Variants in CDK6 observed in about 807,000 individuals in gnomAD.
CDK6 encodes cyclin-dependent kinase 6.
In CDK6, 6 loss-of-function variants were observed where a neutral mutation model predicts 37.1. The observed-to-expected ratio is 0.16, with a 90% confidence interval of 0.09 to 0.32. The LOEUF is 0.32. CDK6 is among the 10% of genes least tolerant of loss of function. The pLI is 1.00. For missense variants in CDK6, 224 were observed against 418.9 expected (o/e 0.53, Z 4.06); for synonymous variants, 160 against 161.3 (o/e 0.99, Z 0.06).
chr7:92,672,919 G>A (rs1195824384), intron 4 of CDK6, among the ~76,000 whole-genome samples: 1 of 152,176 alleles, frequency 6.6e-6, no homozygotes. Context: ...ACTGTTGCTC[G>A]TATCAAGGGA....
intron 2 of CDK6, among the ~76,000 whole-genome samples, chr7:92,804,768 T>C (rs1800679360): frequency 6.6e-6 from 1 of 152,218 alleles, no homozygotes; most frequent in Non-Finnish European, 1.5e-5. Flanking sequence ...CATTGCAGGA[T>C]ACTTAACATC....
chr7:92,817,093 T>C (rs1801049504), intron 2 of CDK6, among the ~76,000 whole-genome samples: 1 of 151,980 alleles, frequency 6.6e-6, no homozygotes, highest in African/African-American at 2.4e-5. Flanking sequence ...ATGACTTCAT[T>C]AGTAAATTCT....
At chr7:92,776,092 G>A (rs1290975083) in intron 2 of CDK6, among the ~76,000 whole-genome samples, 2 of 145,138 alleles carry the variant, frequency 1.4e-5, no homozygotes, top group Non-Finnish European at 3.0e-5. Flanking sequence ...CCTGGTGTGC[G>A]ATGTTCCCCT....
intron 4 of CDK6, among the ~76,000 whole-genome samples, chr7:92,724,005 G>A (rs533253384): frequency 5.9e-4 from 89 of 151,422 alleles, no homozygotes; most frequent in Non-Finnish European, 9.4e-4. Context: ...AAATAAAAGC[G>A]TCCATCTCAG....
intron 5 of CDK6, 131 bp downstream of exon 5, chr7:92,671,295 T>C: frequency 2.0e-6 from 1 of 509,076 alleles, no homozygotes; most frequent in Non-Finnish European, 3.4e-6. Context: ...GGCTTGCAAG[T>C]GGTAGCCTGG....
chr7:92,655,683 C>A (rs1243571892), intron 5 of CDK6, among the ~76,000 whole-genome samples: 1 of 152,232 alleles, frequency 6.6e-6, no homozygotes, highest in African/African-American at 2.4e-5. Context: ...GAATGTCCAG[C>A]AAACTCTGTG....
At chr7:92,705,417 C>G (rs12666791) in intron 4 of CDK6, among the ~76,000 whole-genome samples, 3 of 152,146 alleles carry the variant, frequency 2.0e-5, no homozygotes, top group Non-Finnish European at 2.9e-5. Context: ...TGGGTCCATG[C>G]TAAGGCATGC....
In CDK6 at chr7:92,606,803, A is replaced by G. The variant is rs1281370261; in HGVS notation, c.*8337T>C. The G allele has an allele frequency of 4.3e-6, 1 of 232,978 alleles. No homozygotes were observed. The highest frequency in any genetic ancestry group is 8.5e-6 in the Non-Finnish European group (1 of 117,950). 14.4% of individuals were successfully genotyped at this position (232,978 alleles called of 1,614,324 possible). A position where few individuals can be genotyped will look rare whatever the true frequency, so the allele number is the denominator to read the frequency against. ...GTGAAAACCTACTTTAACACATCTC[A>G]AAATGATAATCGTATAAAACTTTCT... On this transcript the variant is annotated 3_prime_UTR_variant, in exon 8 of 8. Transcript: ENST00000424848.
intron 4 of CDK6, among the ~76,000 whole-genome samples, chr7:92,714,786 TAC>T (rs1798185783): frequency 3.3e-5 from 5 of 151,920 alleles, no homozygotes; most frequent in Admixed American, 2.6e-4. Context: ...ATAAAAGTTT[TAC>T]AGTTTTTTTT....
At chr7:92,702,888 T>C (rs1339640070) in intron 4 of CDK6, among the ~76,000 whole-genome samples, 2 of 152,180 alleles carry the variant, frequency 1.3e-5, no homozygotes, top group Middle Eastern at 3.2e-3. Context: ...AATTCTCTAC[T>C]GCAGGGGGCT....
intron 5 of CDK6, among the ~76,000 whole-genome samples, chr7:92,665,085 G>A (rs1375600339): frequency 1.3e-5 from 2 of 152,008 alleles, no homozygotes; most frequent in Admixed American, 6.6e-5. Flanking sequence ...ACGCCTGGCC[G>A]CATGTTTTAT....
chr7:92,756,647 T>C (rs555235340), intron 3 of CDK6, among the ~76,000 whole-genome samples: 7 of 152,332 alleles, frequency 4.6e-5, no homozygotes, highest in Admixed American at 3.3e-4. Context: ...TTGGTATTAA[T>C]AGAAGGAAGA....
chr7:92,667,480 C>A (rs144243890), intron 5 of CDK6, among the ~76,000 whole-genome samples: 31 of 152,164 alleles, frequency 2.0e-4, no homozygotes, highest in African/African-American at 7.2e-4. Flanking sequence ...TACAGTGAGC[C>A]ACTGCATCTG....
At chr7:92,711,780 T>A (rs1798099815) in intron 4 of CDK6, among the ~76,000 whole-genome samples, 1 of 151,378 alleles carries the variant, frequency 6.6e-6, no homozygotes, top group African/African-American at 2.4e-5. Context: ...GTTGCCCAGG[T>A]TGGTCTCAAA....
chr7:92,637,481 AC>A (rs1267306453), intron 5 of CDK6, among the ~76,000 whole-genome samples: 3 of 152,152 alleles, frequency 2.0e-5, no homozygotes, highest in East Asian at 1.9e-4. Context: ...AGAGAATTTC[AC>A]CTTAAGATCA....
intron 5 of CDK6, among the ~76,000 whole-genome samples, chr7:92,649,043 GA>G (rs932789113): frequency 7.5e-5 from 11 of 146,972 alleles, no homozygotes; most frequent in South Asian, 6.5e-4. Flanking sequence ...GGCATATCTT[GA>G]AAAAAAAAAG....
chr7:92,807,760 G>T (rs560060926), intron 2 of CDK6, among the ~76,000 whole-genome samples: 3 of 152,118 alleles, frequency 2.0e-5, no homozygotes, highest in African/African-American at 7.2e-5. Context: ...ATGACACAAG[G>T]CCTTCTCTTA....
intron 4 of CDK6, among the ~76,000 whole-genome samples, chr7:92,689,437 T>C (rs1797548777): frequency 6.6e-6 from 1 of 152,248 alleles, no homozygotes; most frequent in African/African-American, 2.4e-5. Context: ...TCATTTATTT[T>C]ATAGCTGCAT....
intron 3 of CDK6, among the ~76,000 whole-genome samples, chr7:92,733,093 A>T (rs752678408): frequency 6.6e-6 from 1 of 152,190 alleles, no homozygotes; most frequent in African/African-American, 2.4e-5. Context: ...ATTAACTTAA[A>T]TATGTTATGA....
Sources: allele counts gnomAD v4.1 joint callset (sites outside exome capture counted in the v4.1 genomes callset), GRCh38; gene constraint gnomAD v4.1.1; transcripts MANE v1.5; gene names NCBI Gene and HGNC (gene_info 2026-07-23, HGNC 2026-07-21).